The following TERF1 variants were observed in gnomAD, a reference collection of about 807,000 sequenced individuals.
The protein encoded by TERF1 is telomeric repeat-binding factor 1.
A neutral mutation model predicts 55.1 loss-of-function variants in TERF1; 20 were observed. That is an observed-to-expected ratio of 0.36 (90% CI 0.26 to 0.53). The LOEUF is 0.53. TERF1 is among the 20% of genes least tolerant of loss of function. The pLI, the probability that TERF1 is intolerant of heterozygous loss-of-function variation, is 0.91. For missense variants in TERF1, 439 were observed against 535.7 expected, an observed-to-expected ratio of 0.82 and a Z score of 1.78; for synonymous variants, 168 against 181.2, an observed-to-expected ratio of 0.93 and a Z score of 0.59.
chr8:73,042,322 C>T (rs1490076122), intron 9 of TERF1, among the ~76,000 whole-genome samples: 2 of 152,108 alleles, frequency 1.3e-5, no homozygotes, highest in Non-Finnish European at 2.9e-5. Context: ...TATCTATCAC[C>T]ATTTCCTATG....
chr8:73,047,229 T>C lies in TERF1; in HGVS notation c.*1092T>C, dbSNP rs1266597031. On this transcript the variant is annotated 3_prime_UTR_variant, in exon 10 of 10. Transcript: ENST00000276603. Reference sequence around the variant, plus strand: ...AAGAAAAAGACAATAGTATTACCCATGGGACAAAATTTGTACTATTAGCAA... The same window carrying C: ...AAGAAAAAGACAATAGTATTACCCACGGGACAAAATTTGTACTATTAGCAA... 2.0e-5 allele frequency: 3 copies of C among 152,170 alleles called. No individual in the cohort carries two copies. The highest frequency in any genetic ancestry group is 4.4e-5 in the Non-Finnish European group (3 of 68,028). 9.4% of individuals were successfully genotyped at this position (152,170 alleles called of 1,614,324 possible).
chr8:73,015,990 C>G (rs952509758), intron 2 of TERF1, among the ~76,000 whole-genome samples: 1 of 152,170 alleles, frequency 6.6e-6, no homozygotes, highest in Non-Finnish European at 1.5e-5. Flanking sequence ...GCACATGGCT[C>G]ACACCTGTAA....
chr8:73,022,439 C>T lies in TERF1; in HGVS notation c.624+137C>T, dbSNP rs575146583. On this transcript the variant is annotated intron_variant, in intron 4 of 9. Coordinates refer to ENST00000276603, the MANE Select transcript of TERF1 (RefSeq NM_017489.3). ...ATAATACCGTGCAACAGAAAAACTACGCAAGTCACATATGTGATTTAAAAT... is the reference window on the plus strand; with the variant it reads ...ATAATACCGTGCAACAGAAAAACTATGCAAGTCACATATGTGATTTAAAAT... The T allele has an allele frequency of 8.2e-4, 386 of 469,784 alleles. 9 individuals are homozygous for T. In the South Asian group the frequency reaches 0.012, roughly 14 times the overall value. 29.1% of individuals were successfully genotyped at this position (469,784 alleles called of 1,614,324 possible).
At chr8:73,043,132 G>A (rs984354348) in intron 9 of TERF1, 6 of 152,158 alleles carry the variant, frequency 3.9e-5, no homozygotes, top group African/African-American at 1.4e-4. Context: ...ATAGAAAGTA[G>A]AAGTTGGTAC....
In TERF1 at chr8:73,024,936, G is replaced by T. The variant is rs1324658452; in HGVS notation, c.739G>T (p.Val247Leu). 2.5e-6 allele frequency: 4 copies of T among 1,578,530 alleles called. No individual in the cohort carries two copies. Among genetic ancestry groups the T allele is most frequent in the Non-Finnish European group, 3.4e-6 (4 of 1,166,736 alleles). ...MEKIKSYVNY[V>L]LSEKSSTFLM... ...GAAAATTAAGAGTTATGTGAATTAT[G>T]TGCTAAGTGAAAAATCATCAACCTT... Residue 247 changes from valine to leucine, a missense_variant, in exon 5 of 10, where the codon GTG becomes TTG. By Grantham distance (32) the Val-to-Leu change is conservative. This residue lies in a region of TERF1 where 95 missense variants were observed against 167.2 expected (regional missense o/e 0.57). Coordinates refer to ENST00000276603, the MANE Select transcript of TERF1 (RefSeq NM_017489.3).
At chr8:73,009,277 G>A (rs1808171861) in intron 1 of TERF1, 72 bp downstream of exon 1, 8 of 1,454,078 alleles carry the variant, frequency 5.5e-6, no homozygotes, top group Non-Finnish European at 7.4e-6. Context: ...GCGGCAGAGG[G>A]CTGGTTCCCT....
rs1267335892 is a variant in TERF1, at chr8:73,046,898, A to AATAGAATGATAAAT, written c.*762_*775dup. The AATAGAATGATAAAT allele has an allele frequency of 1.2e-4, 19 of 152,348 alleles. 1 individual carries two copies. The highest frequency in any genetic ancestry group is 9.8e-4 in the Admixed American group (15 of 15,302). 9.4% of individuals were successfully genotyped at this position (152,348 alleles called of 1,614,324 possible). A position where few individuals can be genotyped will look rare whatever the true frequency, so the allele number is the denominator to read the frequency against. ...TACTTAATTACTTAAGATGTTTATT[A>AATAGAATGATAAAT]ATAGAATGATAAATGTACAGAGTAA... On this transcript the variant is annotated 3_prime_UTR_variant, in exon 10 of 10. Coordinates refer to ENST00000276603, the MANE Select transcript of TERF1 (RefSeq NM_017489.3).
At chr8:73,028,832 A>C (rs55839217) in intron 6 of TERF1, among the ~76,000 whole-genome samples, 1 of 152,142 alleles carries the variant, frequency 6.6e-6, no homozygotes, top group Non-Finnish European at 1.5e-5. Flanking sequence ...AAAAGGACTT[A>C]TCTTCGTTGG....
chr8:73,010,418 G>A (rs1231037466), intron 1 of TERF1: 1 of 152,190 alleles, frequency 6.6e-6, no homozygotes, highest in African/African-American at 2.4e-5. Context: ...TTCTCTTAGA[G>A]TTGGAGACAT....
rs1351657556 is a variant in TERF1, at chr8:73,046,235, T to G, written c.*98T>G. 4 of 1,116,822 alleles carry G rather than the reference T, an allele frequency of 3.6e-6. No homozygotes were observed. Among genetic ancestry groups the G allele is most frequent in the Non-Finnish European group, 4.9e-6 (4 of 811,154 alleles). 69.2% of individuals were successfully genotyped at this position (1,116,822 alleles called of 1,614,324 possible). A position where few individuals can be genotyped will look rare whatever the true frequency, so the allele number is the denominator to read the frequency against. Reference sequence around the variant, plus strand: ...ATTGATGTAATTTAAAACTTTTGTTTAAAGCATTACAGTATTTTTCTGTGA... The same window carrying G: ...ATTGATGTAATTTAAAACTTTTGTTGAAAGCATTACAGTATTTTTCTGTGA... On this transcript the variant is annotated 3_prime_UTR_variant, in exon 10 of 10. Transcript: ENST00000276603.
intron 1 of TERF1, chr8:73,013,601 A>G (rs899020134): frequency 8.2e-6 from 2 of 243,974 alleles, no homozygotes; most frequent in South Asian, 1.2e-4. Flanking sequence ...GTTTCCAACC[A>G]ATGATTTTAC....
chr8:73,016,134 T>C (rs1209515108), intron 2 of TERF1, among the ~76,000 whole-genome samples: 1 of 152,164 alleles, frequency 6.6e-6, no homozygotes, highest in Non-Finnish European at 1.5e-5. Flanking sequence ...AAAAATCAAA[T>C]GAGATATTTT....
At chr8:73,036,915 C>A (rs1035656643) in intron 8 of TERF1, among the ~76,000 whole-genome samples, 3 of 137,860 alleles carry the variant, frequency 2.2e-5, no homozygotes, top group Non-Finnish European at 4.6e-5. Flanking sequence ...CTTTCTGTTA[C>A]TGATTTTTAG....
chr8:73,032,595 A>G (rs1809333926), intron 8 of TERF1, among the ~76,000 whole-genome samples: 1 of 150,656 alleles, frequency 6.6e-6, no homozygotes, highest in African/African-American at 2.4e-5. Context: ...ATATATATGT[A>G]TGTTTGTGTA....
intron 2 of TERF1, among the ~76,000 whole-genome samples, chr8:73,016,453 T>TA (rs1411542963): frequency 6.6e-6 from 1 of 151,520 alleles, no homozygotes; most frequent in Non-Finnish European, 1.5e-5. Flanking sequence ...TTTTTTTTTT[T>TA]AGCCAGGGTG....
At chr8:73,014,120 G>GGTGT (rs753694239) in intron 2 of TERF1, 130 bp downstream of exon 2, 31 of 647,212 alleles carry the variant, frequency 4.8e-5, no homozygotes, top group Non-Finnish European at 6.6e-5. Flanking sequence ...GTGGGGGGGT[G>GGTGT]GTGTGTGTGT....
rs1280545423 is a variant in TERF1 at position 73,032,097 on chromosome 8, C to T, written c.1003C>T (p.Leu335Phe). Residue 335 changes from leucine (L) to phenylalanine (F), a missense_variant, in exon 8 of 10, where the codon CTT becomes TTT. Around this residue, in one of 4 missense-constraint regions of TERF1, gnomAD observed 140 missense variants for 158.6 expected, o/e 0.88. Coordinates refer to ENST00000276603, the MANE Select transcript of TERF1 (RefSeq NM_017489.3). Reference protein sequence around the residue: ...KLQHGTQQQDLNKKERRVGTP... With the variant: ...KLQHGTQQQDFNKKERRVGTP... Reference sequence around the variant, plus strand: ...GCAACATGGAACCCAGCAACAAGACCTTAATAAGAAAGAAAGAAGAGTAGG... The same window carrying T: ...GCAACATGGAACCCAGCAACAAGACTTTAATAAGAAAGAAAGAAGAGTAGG... 6.2e-7 allele frequency: 1 copy of T among 1,611,978 alleles called. No individual in the cohort carries two copies. Among genetic ancestry groups the T allele is most frequent in the Non-Finnish European group, 8.5e-7 (1 of 1,179,256 alleles).
At chr8:73,031,830 G>A (rs562177251) in intron 7 of TERF1, 54 of 357,510 alleles carry the variant, frequency 1.5e-4, no homozygotes, top group African/African-American at 2.1e-4. Flanking sequence ...TGATTTCTGC[G>A]GAGTAGATGA....
intron 5 of TERF1, among the ~76,000 whole-genome samples, chr8:73,025,437 C>T (rs1367463022): frequency 4.7e-5 from 7 of 149,636 alleles, no homozygotes; most frequent in African/African-American, 7.4e-5. Context: ...TGGTGAAACC[C>T]CTTATCTACA....
Sources: allele counts gnomAD v4.1 joint callset (sites outside exome capture counted in the v4.1 genomes callset), GRCh38; gene constraint gnomAD v4.1.1; regional missense constraint gnomAD v4.1.1; transcripts MANE v1.5; gene names NCBI Gene and HGNC (gene_info 2026-07-23, HGNC 2026-07-21).